SPTAN1: variants seen among roughly 807,000 people sequenced by gnomAD.
SPTAN1 encodes the protein spectrin alpha, non-erythrocytic 1.
Under a neutral mutation model 331.3 loss-of-function variants are expected in SPTAN1, and 61 were observed. The ratio of observed to expected loss-of-function variants is 0.18; its 90% CI spans 0.15 to 0.23. The LOEUF (loss-of-function observed/expected upper bound fraction) is 0.23. Among genes scored for constraint, SPTAN1 ranks in the 10% least tolerant of loss-of-function variants. The pLI is 1.00. For synonymous variants in SPTAN1, 1,153 were observed against 1,173.9 expected (o/e 0.98, Z 0.36); for missense variants, 2,043 against 3,147.9 (o/e 0.65, Z 8.40).
intron 42 of SPTAN1, 39 bp downstream of exon 42, chr9:128,617,799 TTGAG>T (rs1857357886): frequency 2.5e-6 from 4 of 1,612,912 alleles, no homozygotes; most frequent in East Asian, 4.5e-5. Context: ...GCAGAGGTGT[TTGAG>T]TGGGCCCCAG....
intron 28 of SPTAN1, 117 bp from the exon 29 acceptor site, chr9:128,604,209 A>G: frequency 1.9e-6 from 2 of 1,077,312 alleles, no homozygotes; most frequent in South Asian, 2.7e-5. Flanking sequence ...GAAGGTTGGA[A>G]ACAGGAAATT....
In SPTAN1 at chr9:128,591,634, G is replaced by A. The variant is rs2131319946; in HGVS notation, c.3155+9G>A. ...GAGCAGATTGACAATCAGTAAGGAT[G>A]ACACTGGGGGCCGCAAGGGCTAGGC... On this transcript the variant is annotated intron_variant, in intron 22 of 56. Transcript: ENST00000372739. 4 of 1,613,730 alleles carry A rather than the reference G, an allele frequency of 2.5e-6. No homozygotes were observed. Among genetic ancestry groups the A allele is most frequent in the Non-Finnish European group, 3.4e-6 (4 of 1,179,894 alleles).
chr9:128,631,742 A>G (rs1353677300), intron 52 of SPTAN1: 1 of 235,902 alleles, frequency 4.2e-6, no homozygotes, highest in African/African-American at 2.3e-5. Context: ...CAGGAGAATC[A>G]CTTGAACCCG....
intron 11 of SPTAN1, 127 bp downstream of exon 11, chr9:128,581,186 G>C: frequency 1.5e-6 from 2 of 1,312,798 alleles, no homozygotes; most frequent in Non-Finnish European, 2.1e-6. Context: ...TTGAAGAGGG[G>C]GAATTGAGCA....
Position 128,625,241 on chromosome 9 carries a change from G to A in SPTAN1, c.6069+62G>A. 4 of 1,533,704 alleles carry A rather than the reference G, an allele frequency of 2.6e-6. No homozygotes were observed. Among genetic ancestry groups the A allele is most frequent in the African/African-American group, 1.4e-5 (1 of 73,376 alleles). ...AGATAGCATCTGTGAGATGACTGGT[G>A]GCGTCTTTCACTGAGGCATTTATCT... On this transcript the variant is annotated intron_variant, in intron 47 of 56. Coordinates refer to ENST00000372739, the MANE Select transcript of SPTAN1 (RefSeq NM_001130438.3). The surrounding 1 kb of genome is among the most constrained non-coding windows in gnomAD (Gnocchi z 4.1).
rs1855652617 is a variant in SPTAN1, at chr9:128,605,089, G to A, written c.3775G>A (p.Asp1259Asn). ...IEEKNQALNT[D>N]NYGHDLASVQ... ...AGAGAAGAATCAAGCTCTAAACACA[G>A]ACAATTATGGACATGATCTCGCCAG... The change falls in exon 30 of 57, where the codon GAC becomes AAC. Residue 1259 changes from aspartate to asparagine, a missense_variant. By Grantham distance (23) the Asp-to-Asn change is conservative. This residue lies in a region of SPTAN1 where 42 missense variants were observed against 106.0 expected (regional missense o/e 0.40). Transcript: ENST00000372739. The A allele has an allele frequency of 6.2e-7, 1 of 1,614,006 alleles. No individual in the cohort carries two copies. The highest frequency in any genetic ancestry group is 1.3e-5 in the African/African-American group (1 of 74,986).
At chr9:128,615,940 G>A (rs1857111994) in intron 41 of SPTAN1, 100 bp downstream of exon 41, 2 of 1,315,660 alleles carry the variant, frequency 1.5e-6, no homozygotes, top group African/African-American at 2.9e-5. Flanking sequence ...AAACCCTGCT[G>A]GACTGGGATC....
At chr9:128,588,146 C>T (rs983677626) in intron 20 of SPTAN1, among the ~76,000 whole-genome samples, 5 of 151,360 alleles carry the variant, frequency 3.3e-5, no homozygotes, top group East Asian at 1.9e-4. Context: ...TACTGGCGCC[C>T]GCCACCACGC....
At chr9:128,589,280 TTTTTC>T (rs1853112182) in intron 21 of SPTAN1, among the ~76,000 whole-genome samples, 1 of 147,658 alleles carries the variant, frequency 6.8e-6, no homozygotes, top group Admixed American at 7.1e-5. Context: ...TTTTTTTTTC[TTTTTC>T]TTTTCTTTTT....
At chr9:128,631,846 T>C (rs904025204) in intron 52 of SPTAN1, 7 of 461,952 alleles carry the variant, frequency 1.5e-5, no homozygotes, top group African/African-American at 1.4e-4. Context: ...CTTTGGCCAC[T>C]GCTTCCTGGA....
At chr9:128,607,312 C>A (rs1444817462) in intron 31 of SPTAN1, among the ~76,000 whole-genome samples, 1 of 152,030 alleles carries the variant, frequency 6.6e-6, no homozygotes, top group Non-Finnish European at 1.5e-5. Flanking sequence ...CCAACAAAAG[C>A]TTTTTCATTT....
chr9:128,576,505 A>T (rs1224574663), intron 5 of SPTAN1, among the ~76,000 whole-genome samples: 1 of 152,232 alleles, frequency 6.6e-6, no homozygotes. Context: ...GTTAGGGTAG[A>T]TGAGTACATT....
At chr9:128,604,994 G>A (rs200732747) in intron 29 of SPTAN1, 40 bp from the exon 30 acceptor site, 2 of 1,612,770 alleles carry the variant, frequency 1.2e-6, no homozygotes, top group Admixed American at 1.7e-5. Context: ...CAAGGCAGTT[G>A]TACTTGGCAT....
intron 27 of SPTAN1, among the ~76,000 whole-genome samples, chr9:128,600,974 C>T (rs1159080273): frequency 8.4e-3 from 345 of 40,832 alleles, no homozygotes; most frequent in Middle Eastern, 0.036. Flanking sequence ...GGGAGAAAGT[C>T]TTTTTTTTTT....
At position 128,617,987 on chromosome 9, in the gene SPTAN1, G is replaced by A. The variant is rs1287628912; in HGVS notation, c.5479G>A (p.Gly1827Ser). The A allele has an allele frequency of 1.9e-6, 3 of 1,614,134 alleles. No individual in the cohort carries two copies. In the East Asian group the frequency reaches 6.7e-5, roughly 36 times the overall value. ...ELAAHEPAIQ[G>S]VLDTGKKLSD... The stretch of plus-strand genomic sequence containing the variant: ...TAACCTCCTCGTCCTTGCCTGTCAG[G>A]GTGTCCTGGACACTGGCAAGAAGCT... Residue 1827 changes from glycine (G) to serine (S), a missense_variant and splice_region_variant, in exon 43 of 57, where the codon GGT becomes AGT. Transcript: ENST00000372739.
At chr9:128,616,993 T>C (rs560697300) in intron 41 of SPTAN1, among the ~76,000 whole-genome samples, 2 of 152,206 alleles carry the variant, frequency 1.3e-5, no homozygotes, top group African/African-American at 4.8e-5. Flanking sequence ...ATCCCAACAC[T>C]TTGGGAGACC....
chr9:128,602,413 C>T (rs1035262332), intron 27 of SPTAN1, among the ~76,000 whole-genome samples: 2 of 151,846 alleles, frequency 1.3e-5, no homozygotes, highest in East Asian at 1.9e-4. Context: ...GACGGGGTTT[C>T]GCCAAGTTGG....
chr9:128,598,779 T>C (rs1854654387), intron 25 of SPTAN1, 184 bp from the exon 26 acceptor site: 2 of 663,244 alleles, frequency 3.0e-6, no homozygotes, highest in African/African-American at 1.8e-5. Flanking sequence ...AATGGTAATT[T>C]CATAAGTTCC....
At chr9:128,596,056 C>G (rs577707381) in intron 24 of SPTAN1, 3 of 152,270 alleles carry the variant, frequency 2.0e-5, no homozygotes, top group Non-Finnish European at 4.4e-5. Flanking sequence ...GTTGCCCAGT[C>G]TGGTCTCAAA....
Sources: allele counts gnomAD v4.1 joint callset (sites outside exome capture counted in the v4.1 genomes callset), GRCh38; gene constraint gnomAD v4.1.1; regional missense constraint gnomAD v4.1.1; non-coding constraint Gnocchi (gnomAD v3.1); transcripts MANE v1.5; gene names NCBI Gene and HGNC (gene_info 2026-07-23, HGNC 2026-07-21).